The following DIP2A variants were observed in gnomAD, a reference collection of about 807,000 sequenced individuals.
DIP2A encodes DIP2 acetate--CoA ligase A.
DIP2A carries 85 observed loss-of-function variants against 177.4 expected under a neutral mutation model. That is an observed-to-expected ratio of 0.48 (90% CI 0.40 to 0.57). DIP2A has a LOEUF of 0.57. Ranked by LOEUF, DIP2A falls within the 20% of genes least tolerant of loss-of-function variation. The probability of loss-of-function intolerance (pLI) is 0.00; values close to 1 mark genes in which losing one functional copy is unlikely to be tolerated. For missense variants in DIP2A, 1,791 were observed against 2,100.2 expected, an observed-to-expected ratio of 0.85 and a Z score of 2.88; for synonymous variants, 886 against 881.8, an observed-to-expected ratio of 1.00 and a Z score of -0.08.
chr21:46,477,402 C>T (rs2055946293), intron 1 of DIP2A, among the ~76,000 whole-genome samples: 1 of 151,472 alleles, frequency 6.6e-6, no homozygotes, highest in Admixed American at 6.6e-5. Context: ...TGGCAGGCGC[C>T]TGTAATCCCA....
At chr21:46,509,223 T>A in intron 6 of DIP2A, 34 bp from the exon 7 acceptor site, 1 of 1,596,762 alleles carries the variant, frequency 6.3e-7, no homozygotes, top group Non-Finnish European at 8.5e-7. Context: ...AGATGTGTCC[T>A]GGCCTCAGTG....
In DIP2A at chr21:46,563,743, T is replaced by G; in HGVS notation, c.4090-115T>G. 1 of 1,469,400 alleles carries G rather than the reference T, an allele frequency of 6.8e-7. No homozygotes were observed. The allele number at this position is 1,469,400 out of a possible 1,614,324, so 91.0% of individuals were successfully genotyped here. A position where few individuals can be genotyped will look rare whatever the true frequency, so the allele number is the denominator to read the frequency against. ...GGCCTCTAAACTTCCTGACCTGACA[T>G]GAGCACATCAGTCCTGCAGGCCAGC... is the stretch of plus-strand genomic sequence containing the variant. On this transcript the variant is annotated intron_variant, in intron 34 of 37. Transcript: ENST00000417564. This position sits in a 1 kb window ranked among gnomAD's most constrained non-coding sequence, Gnocchi z 4.3.
At chr21:46,520,092 T>G (rs1030753981) in intron 8 of DIP2A, among the ~76,000 whole-genome samples, 2 of 152,016 alleles carry the variant, frequency 1.3e-5, no homozygotes, top group African/African-American at 4.8e-5. Context: ...GCCAGGACGG[T>G]CTCGATCTCC....
the DIP2A span, among the ~76,000 whole-genome samples, chr21:46,582,130 C>T: frequency 2.6e-5 from 4 of 152,184 alleles, no homozygotes; most frequent in African/African-American, 9.7e-5. Context: ...TGTTTGTAAA[C>T]CTCTGGCTGG....
chr21:46,501,698 T>C (rs1406830027), intron 5 of DIP2A, among the ~76,000 whole-genome samples: 1 of 152,234 alleles, frequency 6.6e-6, no homozygotes, highest in Non-Finnish European at 1.5e-5. Context: ...GTTAGGATTA[T>C]AGGAATGAGC....
At chr21:46,508,048 T>C (rs1400237361) in intron 6 of DIP2A, among the ~76,000 whole-genome samples, 1 of 151,672 alleles carries the variant, frequency 6.6e-6, no homozygotes, top group Non-Finnish European at 1.5e-5. Flanking sequence ...CCCCATTTTT[T>C]TTTTTTTTAA....
the DIP2A span, among the ~76,000 whole-genome samples, chr21:46,581,637 G>A: frequency 6.6e-6 from 1 of 152,152 alleles, no homozygotes; most frequent in Non-Finnish European, 1.5e-5. Context: ...GTTTTGTGGG[G>A]TCTTTTTTTG....
Position 46,464,817 on chromosome 21 carries a change from C to CTTTTTTTTTTTTTTT in DIP2A, c.91+5608_91+5622dup, listed in dbSNP as rs1168153777. On this transcript the variant is annotated intron_variant, in intron 1 of 37. Transcript: ENST00000417564. ...TCTTCCTTTTTCTTAATATTCATGT[C>CTTTTTTTTTTTTTTT]TTTTTTTTTTTTTTTTTTTTTTTTT... Among the ~76,000 whole-genome samples, 242 of 73,414 alleles carry CTTTTTTTTTTTTTTT rather than the reference C, an allele frequency of 3.3e-3. 31 individuals carry two copies. Among genetic ancestry groups the CTTTTTTTTTTTTTTT allele is most frequent in the African/African-American group, 5.0e-3 (82 of 16,474 alleles). The allele number at this position is 73,414 out of a possible 152,430, so 48.2% of individuals were successfully genotyped here.
intron 3 of DIP2A, among the ~76,000 whole-genome samples, chr21:46,495,179 T>TTTCTCTCCTC (rs2057242108): frequency 1.4e-5 from 1 of 72,376 alleles, no homozygotes; most frequent in Non-Finnish European, 3.2e-5. Context: ...TCTTTCGCTT[T>TTTCTCTCCTC]TTCTCTTCTC....
chr21:46,543,504 T>A (rs1425534669), intron 18 of DIP2A, among the ~76,000 whole-genome samples: 1 of 137,608 alleles, frequency 7.3e-6, no homozygotes, highest in Non-Finnish European at 1.6e-5. Context: ...GGTGTGTGCA[T>A]GCAGCGCTCC....
At position 46,539,907 on chromosome 21, in the gene DIP2A, A is replaced by G. The variant is rs368903673; in HGVS notation, c.1952A>G (p.Asn651Ser). Reference sequence around the variant, plus strand: ...ATCTCCTCCTGTGACGCCTTCCTCAACGTCTTCCAGTCCAGAGGTCTGAGG... The same window carrying G: ...ATCTCCTCCTGTGACGCCTTCCTCAGCGTCTTCCAGTCCAGAGGTCTGAGG... ...WSISSCDAFLNVFQSRGLRPE... is the reference protein window; with the variant it reads ...WSISSCDAFLSVFQSRGLRPE... Residue 651 changes from asparagine to serine, a missense_variant, in exon 17 of 38, where the codon AAC becomes AGC. Physicochemically the swap from Asn to Ser is conservative, Grantham distance 46. Coordinates refer to ENST00000417564, the MANE Select transcript of DIP2A (RefSeq NM_015151.4). 2.6e-5 allele frequency: 42 copies of G among 1,613,810 alleles called. No individual in the cohort carries two copies. Among genetic ancestry groups the G allele is most frequent in the South Asian group, 6.6e-5 (6 of 91,082 alleles).
chr21:46,551,898 C>T lies in DIP2A; in HGVS notation c.3024C>T (p.Asn1008=), dbSNP rs369511042. Residue 1008 remains asparagine (N), a synonymous_variant, in exon 25 of 38, where the codon AAC becomes AAT. Coordinates refer to ENST00000417564, the MANE Select transcript of DIP2A (RefSeq NM_015151.4). ...ACCACCCGCTGTTCTTGCTGCTGAA[C>T]GCCAAGGTGAGGCAGTGTCACGCCC... The part of the protein sequence containing the change: ...TPDHPLFLLL[N]AKGTVTSTAT... 5.2e-5 allele frequency: 83 copies of T among 1,603,542 alleles called. No homozygotes were observed. The highest frequency in any genetic ancestry group is 8.9e-5 in the South Asian group (8 of 89,658).
intron 1 of DIP2A, among the ~76,000 whole-genome samples, chr21:46,477,630 G>A (rs2056011885): frequency 7.0e-6 from 1 of 143,160 alleles, no homozygotes; most frequent in Non-Finnish European, 1.5e-5. Context: ...CTGGAGTACA[G>A]TGCCACTATC....
At chr21:46,562,578 A>G (rs1262514248) in intron 34 of DIP2A, among the ~76,000 whole-genome samples, 1 of 152,146 alleles carries the variant, frequency 6.6e-6, no homozygotes, top group Non-Finnish European at 1.5e-5. Context: ...CCTGCAGGGC[A>G]GCAGGGGTGA....
intron 1 of DIP2A, among the ~76,000 whole-genome samples, chr21:46,466,572 TC>T (rs748175261): frequency 2.6e-4 from 39 of 151,972 alleles, no homozygotes; most frequent in Admixed American, 9.2e-4. Flanking sequence ...GGTCTCGAAC[TC>T]CTGACCTCGT....
intron 9 of DIP2A, among the ~76,000 whole-genome samples, 178 bp downstream of exon 9, chr21:46,529,361 A>G (rs1441469779): frequency 6.6e-6 from 1 of 152,152 alleles, no homozygotes; most frequent in East Asian, 1.9e-4. Context: ...GCACTTTGGG[A>G]GGCTGTGGTG....
intron 1 of DIP2A, among the ~76,000 whole-genome samples, chr21:46,464,815 GTCTTTTT>G (rs2054650793): frequency 2.3e-5 from 1 of 42,964 alleles, no homozygotes. Context: ...TAATATTCAT[GTCTTTTT>G]TTTTTTTTTT....
intron 18 of DIP2A, among the ~76,000 whole-genome samples, chr21:46,542,571 T>G (rs2059861977): frequency 6.6e-6 from 1 of 152,028 alleles, no homozygotes; most frequent in South Asian, 2.1e-4. Flanking sequence ...ATGTTGGAGG[T>G]TTTCCTTGCT....
Position 46,545,969 on chromosome 21 carries a change from T to C in DIP2A, c.2394+8T>C, listed in dbSNP as rs1384750164. On this transcript the variant is annotated splice_region_variant and intron_variant, in intron 20 of 37. Coordinates refer to ENST00000417564, the MANE Select transcript of DIP2A (RefSeq NM_015151.4). ...CTGGGCTTCATCGGGCCTGTGAGTA[T>C]GTCCTCCTGTACCAGCACTGGCAGT... 3.1e-6 allele frequency: 5 copies of C among 1,613,864 alleles called. No individual in the cohort carries two copies. Among genetic ancestry groups the C allele is most frequent in the Non-Finnish European group, 4.2e-6 (5 of 1,179,906 alleles).
Sources: allele counts gnomAD v4.1 joint callset (sites outside exome capture counted in the v4.1 genomes callset), GRCh38; gene constraint gnomAD v4.1.1; non-coding constraint Gnocchi (gnomAD v3.1); transcripts MANE v1.5; gene names NCBI Gene and HGNC (gene_info 2026-07-23, HGNC 2026-07-21).